Variants in BLTP1 observed in about 807,000 individuals in gnomAD.
BLTP1 encodes bridge-like lipid transfer protein family member 1.
At chr4:122,334,250 A>G in the BLTP1 span, 1 of 1,165,594 alleles carries the variant, frequency 8.6e-7, no homozygotes, top group Non-Finnish European at 1.2e-6. Context: ...CAGTCTTCTG[A>G]CTTCCAATGT....
At chr4:122,305,216 C>T in the BLTP1 span, 16 of 982,844 alleles carry the variant, frequency 1.6e-5, no homozygotes, top group African/African-American at 2.8e-4. Context: ...AATCCAGTAT[C>T]TTCGTAATCA....
the BLTP1 span, chr4:122,308,183 C>G: frequency 6.2e-7 from 1 of 1,610,748 alleles, no homozygotes; most frequent in Non-Finnish European, 8.5e-7. Flanking sequence ...AAGTCATATT[C>G]CAGGATTAAG....
the BLTP1 span, among the ~76,000 whole-genome samples, chr4:122,174,829 G>C: frequency 3.9e-5 from 6 of 152,042 alleles, no homozygotes; most frequent in Non-Finnish European, 7.4e-5. Context: ...TTTGTCAGTG[G>C]ATTAATTTAG....
the BLTP1 span, chr4:122,255,229 A>G: frequency 6.2e-6 from 10 of 1,613,154 alleles, no homozygotes; most frequent in Non-Finnish European, 7.6e-6. Flanking sequence ...TATGTAATAT[A>G]CTACACCACT....
the BLTP1 span, chr4:122,229,221 G>T: frequency 1.1e-5 from 18 of 1,607,466 alleles, no homozygotes; most frequent in Non-Finnish European, 1.5e-5. Context: ...GTTGAGCATG[G>T]TTGTGCTACA....
chr4:122,205,759 T>TTC, the BLTP1 span, among the ~76,000 whole-genome samples: 2 of 136,488 alleles, frequency 1.5e-5, no homozygotes, highest in African/African-American at 5.4e-5. Context: ...TTCCAGTTGT[T>TTC]TCTCTCTCTC....
At chr4:122,183,400 C>T in the BLTP1 span, 33 of 946,610 alleles carry the variant, frequency 3.5e-5, no homozygotes, top group Admixed American at 3.1e-4. Context: ...ATTCTAGAAT[C>T]AGAGAATTTC....
At chr4:122,220,594 A>T in the BLTP1 span, 10 of 780,072 alleles carry the variant, frequency 1.3e-5, no homozygotes, top group Admixed American at 3.3e-5. Flanking sequence ...CTTTTAAGTT[A>T]ACTGTATTAA....
At chr4:122,293,258 G>C in the BLTP1 span, 1 of 764,682 alleles carries the variant, frequency 1.3e-6, no homozygotes, top group Non-Finnish European at 1.6e-6. Flanking sequence ...AGAAGCAGCT[G>C]TAGTCCAGGA....
the BLTP1 span, chr4:122,249,359 A>T: frequency 7.1e-7 from 1 of 1,411,772 alleles, no homozygotes; most frequent in Non-Finnish European, 9.4e-7. Flanking sequence ...CTGTTTTTCT[A>T]TCTTTTTGAC....
At chr4:122,348,459 G>T in the BLTP1 span, 2 of 887,760 alleles carry the variant, frequency 2.3e-6, no homozygotes, top group Non-Finnish European at 3.3e-6. Context: ...TCTAATACAA[G>T]AATATTATAT....
the BLTP1 span, chr4:122,313,582 A>G: frequency 6.6e-7 from 1 of 1,509,362 alleles, no homozygotes; most frequent in Non-Finnish European, 9.1e-7. Context: ...ATATAGTCAC[A>G]AATGTATTTT....
chr4:122,331,080 T>A, the BLTP1 span: 2 of 959,994 alleles, frequency 2.1e-6, no homozygotes, highest in Admixed American at 1.2e-4. Context: ...TATATACTGA[T>A]ATTCAGACTC....
the BLTP1 span, chr4:122,204,636 A>G: frequency 2.2e-6 from 2 of 926,260 alleles, no homozygotes; most frequent in Non-Finnish European, 2.6e-6. Flanking sequence ...GACAGTATTT[A>G]GTTTGACCAA....
At chr4:122,223,847 C>T in the BLTP1 span, 2 of 266,708 alleles carry the variant, frequency 7.5e-6, no homozygotes, top group South Asian at 1.4e-4. Context: ...ATCAGTAGGG[C>T]ATTCCCAAAC....
At chr4:122,163,453 G>A in the BLTP1 span, among the ~76,000 whole-genome samples, 5 of 152,322 alleles carry the variant, frequency 3.3e-5, no homozygotes, top group Admixed American at 3.3e-4. Context: ...AGCTGAGTGT[G>A]TCCTTGCAGT....
chr4:122,168,256 T>A, the BLTP1 span, among the ~76,000 whole-genome samples: 7 of 152,222 alleles, frequency 4.6e-5, no homozygotes, highest in East Asian at 1.3e-3. Flanking sequence ...TCCCACATTC[T>A]TTTTCACTAT....
At chr4:122,244,406 A>AAATACTGTATTCTG in the BLTP1 span, among the ~76,000 whole-genome samples, 1 of 152,082 alleles carries the variant, frequency 6.6e-6, no homozygotes, top group Non-Finnish European at 1.5e-5. Flanking sequence ...TGCATCCCAC[A>AAATACTGTATTCTG]AATACTGTAT....
chr4:122,264,372 C>G, the BLTP1 span: 1 of 1,611,310 alleles, frequency 6.2e-7, no homozygotes, highest in Admixed American at 1.7e-5. Flanking sequence ...GATGATGTGG[C>G]AGGTGTAGAA....
Sources: allele counts gnomAD v4.1 joint callset (sites outside exome capture counted in the v4.1 genomes callset), GRCh38; gene constraint gnomAD v4.1.1; transcripts MANE v1.5; gene names NCBI Gene and HGNC (gene_info 2026-07-23, HGNC 2026-07-21).